UVRAG: variants seen among roughly 807,000 people sequenced by gnomAD.
UVRAG encodes the protein UV radiation resistance-associated gene protein.
UVRAG carries 19 observed loss-of-function variants against 78.0 expected under a neutral mutation model. The observed-to-expected ratio is 0.24, with a 90% CI of 0.17 to 0.36. The LOEUF is 0.36. Ranked by LOEUF, UVRAG falls within the 10% of genes least tolerant of loss-of-function variation. The pLI is 1.00. For missense variants in UVRAG, 740 were observed against 853.8 expected (o/e 0.87, Z 1.66); for synonymous variants, 323 against 324.6 (o/e 1.00, Z 0.05).
intron 13 of UVRAG, among the ~76,000 whole-genome samples, chr11:76,113,800 A>G: frequency 6.6e-6 from 1 of 152,150 alleles, no homozygotes; most frequent in East Asian, 1.9e-4. Flanking sequence ...AAGGTTGGAA[A>G]GATGGTCTCC....
chr11:75,849,127 G>A (rs1325745021), intron 1 of UVRAG, among the ~76,000 whole-genome samples: 4 of 152,046 alleles, frequency 2.6e-5, no homozygotes, highest in African/African-American at 7.3e-5. Flanking sequence ...GCAGTGAGCC[G>A]ACATGGCGCC....
chr11:75,930,546 T>C (rs1345093089), intron 6 of UVRAG, among the ~76,000 whole-genome samples: 1 of 152,236 alleles, frequency 6.6e-6, no homozygotes, highest in East Asian at 1.9e-4. Flanking sequence ...GAAAAAGTTT[T>C]ATAATTGCTC....
At chr11:76,004,135 C>A (rs189665193) in intron 9 of UVRAG, 46 bp downstream of exon 9, 2 of 1,570,716 alleles carry the variant, frequency 1.3e-6, no homozygotes, top group Non-Finnish European at 1.8e-6. Flanking sequence ...GAGTTTACTG[C>A]GAGGATAGAT....
chr11:75,922,468 C>T (rs1232272593), intron 6 of UVRAG, among the ~76,000 whole-genome samples: 2 of 151,942 alleles, frequency 1.3e-5, no homozygotes, highest in Non-Finnish European at 2.9e-5. Flanking sequence ...TACACATTAT[C>T]ATCAGTAAAA....
At chr11:76,134,249 C>A (rs967023357) in intron 14 of UVRAG, among the ~76,000 whole-genome samples, 1 of 151,304 alleles carries the variant, frequency 6.6e-6, no homozygotes, top group Non-Finnish European at 1.5e-5. Context: ...GCATGAGCCA[C>A]CACACCTGGC....
At chr11:76,097,584 C>G (rs1951807653) in intron 13 of UVRAG, among the ~76,000 whole-genome samples, 1 of 152,076 alleles carries the variant, frequency 6.6e-6, no homozygotes, top group East Asian at 1.9e-4. Context: ...CTCGTTTTTA[C>G]TGTACTTATG....
chr11:76,004,322 C>G (rs1420271431), intron 9 of UVRAG, among the ~76,000 whole-genome samples: 1 of 152,124 alleles, frequency 6.6e-6, no homozygotes, highest in Admixed American at 6.6e-5. Context: ...AAACATGAAC[C>G]CTATTCAAGT....
In UVRAG at chr11:75,861,824, C is replaced by G. The variant is rs767789495; in HGVS notation, c.270+44C>G. 3.3e-6 allele frequency: 5 copies of G among 1,503,550 alleles called. No homozygotes were observed. The South Asian group carries it at 5.9e-5, about 18-fold the overall frequency. The allele number at this position is 1,503,550 out of a possible 1,614,324, so 93.1% of individuals were successfully genotyped here. A position where few individuals can be genotyped will look rare whatever the true frequency, so the allele number is the denominator to read the frequency against. On this transcript the variant is annotated intron_variant, in intron 3 of 14. Coordinates refer to ENST00000356136, the MANE Select transcript of UVRAG (RefSeq NM_003369.4). ...GGGTACATATGACTAAGTATATACA[C>G]CTGTTTTCAGAAAATGCAGAAATGT...
intron 4 of UVRAG, among the ~76,000 whole-genome samples, chr11:75,882,566 G>GC (rs1165484393): frequency 2.0e-5 from 3 of 151,556 alleles, no homozygotes; most frequent in Non-Finnish European, 4.4e-5. Context: ...AAATCTCTGT[G>GC]CTCATTTTGC....
intron 3 of UVRAG, among the ~76,000 whole-genome samples, chr11:75,877,056 G>C (rs1397601157): frequency 2.8e-4 from 42 of 151,190 alleles, no homozygotes; most frequent in African/African-American, 1.0e-3. Context: ...GACTCTTAAC[G>C]AGCATGCTGC....
chr11:75,854,812 A>G (rs1485892283), intron 2 of UVRAG, among the ~76,000 whole-genome samples: 3 of 152,216 alleles, frequency 2.0e-5, no homozygotes, highest in Non-Finnish European at 4.4e-5. Flanking sequence ...ATTTGGTTTA[A>G]GGGTTTAAGC....
chr11:75,815,218 G>T lies in UVRAG; in HGVS notation c.-190G>T. On this transcript the variant is annotated 5_prime_UTR_variant, in exon 1 of 15. It removes an upstream start codon present in the reference 5' UTR. Coordinates refer to ENST00000356136, the MANE Select transcript of UVRAG (RefSeq NM_003369.4). ...TGGAGGGGTTGCACTGCGGTAATATGGCTCTTCCTTAGCCAGCGGCGGCAA... is the reference window on the plus strand; with the variant it reads ...TGGAGGGGTTGCACTGCGGTAATATTGCTCTTCCTTAGCCAGCGGCGGCAA... 1 of 437,258 alleles carries T rather than the reference G, an allele frequency of 2.3e-6. No individual in the cohort carries two copies. The highest frequency in any genetic ancestry group is 4.0e-6 in the Non-Finnish European group (1 of 249,708). 27.1% of individuals were successfully genotyped at this position (437,258 alleles called of 1,614,324 possible).
intron 5 of UVRAG, among the ~76,000 whole-genome samples, chr11:75,900,995 C>G (rs1947482003): frequency 6.6e-6 from 1 of 152,132 alleles, no homozygotes; most frequent in African/African-American, 2.4e-5. Flanking sequence ...ACCTTTCCTC[C>G]TTAACTACTC....
chr11:76,126,303 A>G (rs763816889), intron 14 of UVRAG, among the ~76,000 whole-genome samples: 7 of 152,190 alleles, frequency 4.6e-5, no homozygotes, highest in African/African-American at 1.4e-4. Flanking sequence ...AATATATTTT[A>G]TTTAATTCAA....
At chr11:75,915,445 T>C (rs949263571) in intron 6 of UVRAG, among the ~76,000 whole-genome samples, 3 of 152,234 alleles carry the variant, frequency 2.0e-5, no homozygotes, top group Non-Finnish European at 4.4e-5. Flanking sequence ...TTCTTAACTC[T>C]TGGAAATCTC....
chr11:75,995,560 T>C (rs1034812165), intron 8 of UVRAG, among the ~76,000 whole-genome samples: 1 of 151,544 alleles, frequency 6.6e-6, no homozygotes, highest in Admixed American at 6.6e-5. Flanking sequence ...TCTATTTAAT[T>C]AGCTTCTGCT....
chr11:76,141,684 C>A lies in UVRAG; in HGVS notation c.*271C>A. On this transcript the variant is annotated 3_prime_UTR_variant, in exon 15 of 15. Coordinates refer to ENST00000356136, the MANE Select transcript of UVRAG (RefSeq NM_003369.4). The stretch of plus-strand genomic sequence containing the variant: ...TGAAAGAGCTTACAGCTCGAGTCAC[C>A]TTTTAGCTATTTGTCTGCTTTTTAT... 1 of 451,880 alleles carries A rather than the reference C, an allele frequency of 2.2e-6. No homozygotes were observed. The highest frequency in any genetic ancestry group is 3.9e-6 in the Non-Finnish European group (1 of 253,324). The allele number at this position is 451,880 out of a possible 1,614,324, so 28.0% of individuals were successfully genotyped here.
In UVRAG at chr11:75,911,966, G is replaced by C. The variant is rs757266720; in HGVS notation, c.520G>C (p.Ala174Pro). The C allele has an allele frequency of 1.2e-6, 2 of 1,609,910 alleles. No individual in the cohort carries two copies. The highest frequency in any genetic ancestry group is 1.3e-5 in the African/African-American group (1 of 74,978). The change falls in exon 6 of 15, where the codon GCT (alanine) becomes CCT (proline). Residue 174 changes from alanine (A) to proline (P), a missense_variant. Ala to Pro is a conservative substitution (Grantham distance 27, BLOSUM62 -1). Coordinates refer to ENST00000356136, the MANE Select transcript of UVRAG (RefSeq NM_003369.4). ...TAATGTCTTTCAGGGTTATTCAAAT[G>C]CTCAGAAGACTATTCTTCTGCAGGT... The part of the protein sequence containing the change: ...APFEHKGYSN[A>P]QKTILLQVDQ...
intron 6 of UVRAG, among the ~76,000 whole-genome samples, chr11:75,912,777 T>C (rs1947767354): frequency 6.6e-6 from 1 of 152,240 alleles, no homozygotes; most frequent in South Asian, 2.1e-4. Context: ...TTTATATATG[T>C]ACTTGAGGAA....
Sources: allele counts gnomAD v4.1 joint callset (sites outside exome capture counted in the v4.1 genomes callset), GRCh38; gene constraint gnomAD v4.1.1; transcripts MANE v1.5; gene names NCBI Gene and HGNC (gene_info 2026-07-23, HGNC 2026-07-21).